The following C2orf76 variants were observed in gnomAD, a reference collection of about 807,000 sequenced individuals.
The protein encoded by C2orf76 is chromosome 2 open reading frame 76.
C2orf76 carries 23 observed loss-of-function variants against 16.9 expected under a neutral mutation model. The observed-to-expected ratio is 1.36, with a 90% confidence interval of 0.98 to 1.93. The LOEUF (loss-of-function observed/expected upper bound fraction) is 1.93. Among genes scored for constraint, C2orf76 ranks in the 30% most tolerant of loss-of-function variants. The probability of loss-of-function intolerance (pLI) is 0.00; values close to 1 mark genes in which losing one functional copy is unlikely to be tolerated. For synonymous variants in C2orf76, 48 were observed against 52.3 expected, an observed-to-expected ratio of 0.92 and a Z score of 0.35; for missense variants, 152 against 152.6, an observed-to-expected ratio of 1.00 and a Z score of 0.02.
chr2:119,332,537 T>C (rs1679707482), intron 2 of C2orf76, among the ~76,000 whole-genome samples: 1 of 149,242 alleles, frequency 6.7e-6, no homozygotes, highest in East Asian at 1.9e-4. Flanking sequence ...CATGTAGTCA[T>C]ATTACTATAG....
At chr2:119,346,294 C>T (rs967539704) in intron 1 of C2orf76, among the ~76,000 whole-genome samples, 7 of 152,018 alleles carry the variant, frequency 4.6e-5, no homozygotes, top group African/African-American at 1.7e-4. Context: ...GGCATTCATG[C>T]TAGAGAAACA....
rs545039889 is a variant in C2orf76, at chr2:119,351,430, C to T, written c.-12-11459G>A. Among the ~76,000 whole-genome samples, 8 of 152,228 alleles carry T rather than the reference C, an allele frequency of 5.3e-5. No individual in the cohort carries two copies. The East Asian group carries it at 1.5e-3, about 29-fold the overall frequency. On this transcript the variant is annotated intron_variant, in intron 1 of 5. Coordinates refer to ENST00000334816, the MANE Select transcript of C2orf76 (RefSeq NM_001322331.2). ...CAATAAATAGTCCACAAACTGGTCA[C>T]TTGTTTACAATATAAGAGCTGAAAC...
chr2:119,336,153 G>A (rs1225011772), intron 2 of C2orf76, among the ~76,000 whole-genome samples: 1 of 151,974 alleles, frequency 6.6e-6, no homozygotes, highest in Non-Finnish European at 1.5e-5. Context: ...CCAGCACTTT[G>A]GGAGGCTGAG....
intron 1 of C2orf76, among the ~76,000 whole-genome samples, chr2:119,358,971 T>A (rs1680658123): frequency 6.6e-6 from 1 of 152,170 alleles, no homozygotes; most frequent in Non-Finnish European, 1.5e-5. Context: ...CCATCTAGGA[T>A]CTGCATAGCT....
chr2:119,334,829 AG>A (rs1679795844), intron 2 of C2orf76, among the ~76,000 whole-genome samples: 1 of 152,264 alleles, frequency 6.6e-6, no homozygotes, highest in South Asian at 2.1e-4. Flanking sequence ...TAGAAGAAAA[AG>A]TGCTGACCTA....
At chr2:119,339,575 T>TCAAA (rs548302406) in intron 2 of C2orf76, among the ~76,000 whole-genome samples, 1 of 141,676 alleles carries the variant, frequency 7.1e-6, no homozygotes, top group Non-Finnish European at 1.5e-5. Context: ...TACTTTTAAT[T>TCAAA]AAAAAAAAAA....
At position 119,302,479 on chromosome 2, in the gene C2orf76, G is replaced by T; in HGVS notation, c.374C>A (p.Ser125Tyr). 1 of 1,371,030 alleles carries T rather than the reference G, an allele frequency of 7.3e-7. No individual in the cohort carries two copies. The highest frequency in any genetic ancestry group is 1.0e-6 in the Non-Finnish European group (1 of 985,710). 84.9% of individuals were successfully genotyped at this position (1,371,030 alleles called of 1,614,324 possible). The change falls in exon 6 of 6, where the codon TCC becomes TAC. Residue 125 changes from serine to tyrosine, a missense_variant. Ser to Tyr is a moderately radical substitution (Grantham distance 144, BLOSUM62 -2). Transcript: ENST00000334816. ...YKNYKANPIS[S>Y]W is the part of the protein sequence containing the mutation. Reference sequence around the variant, plus strand: ...GAAGCCCTCGAGATGTTTTCACCAGGATGAAATGGGATTAGCTTTGTAGTT... The same window carrying T: ...GAAGCCCTCGAGATGTTTTCACCAGTATGAAATGGGATTAGCTTTGTAGTT...
chr2:119,319,647 A>T (rs2104563409), intron 3 of C2orf76, among the ~76,000 whole-genome samples: 1 of 152,288 alleles, frequency 6.6e-6, no homozygotes, highest in East Asian at 1.9e-4. Flanking sequence ...GATAAGTAGC[A>T]TGCGTGGTAA....
chr2:119,329,124 T>C (rs1679596204), intron 2 of C2orf76, among the ~76,000 whole-genome samples: 1 of 152,226 alleles, frequency 6.6e-6, no homozygotes, highest in Non-Finnish European at 1.5e-5. Flanking sequence ...GTTTTTAAGT[T>C]CTCTTGATCC....
At chr2:119,301,583 G>A (rs1424680780), downstream of C2orf76, among the ~76,000 whole-genome samples, 2 of 151,596 alleles carry the variant, frequency 1.3e-5, no homozygotes, top group Admixed American at 6.6e-5. Context: ...CCAGGACTCA[G>A]GGAGCAATGG....
intron 3 of C2orf76, among the ~76,000 whole-genome samples, chr2:119,318,111 ATT>A (rs1428261531): frequency 1.3e-5 from 2 of 152,078 alleles, no homozygotes; most frequent in Admixed American, 1.3e-4. Flanking sequence ...TCACTCCTTA[ATT>A]TGTTTATCTT....
At chr2:119,358,188 T>A (rs558031089) in intron 1 of C2orf76, among the ~76,000 whole-genome samples, 56 of 152,274 alleles carry the variant, frequency 3.7e-4, no homozygotes, top group African/African-American at 1.3e-3. Context: ...AAAGCCAAGA[T>A]AGGTTGAATG....
At chr2:119,295,330 T>C in the C2orf76 span, among the ~76,000 whole-genome samples, 126 of 152,246 alleles carry the variant, frequency 8.3e-4, 1 homozygote, top group African/African-American at 2.9e-3. Flanking sequence ...CAATAATGTA[T>C]AGTCCGATGG....
the C2orf76 span, among the ~76,000 whole-genome samples, chr2:119,282,490 T>C: frequency 1.3e-5 from 2 of 152,194 alleles, no homozygotes; most frequent in Non-Finnish European, 2.9e-5. Context: ...GGCTCTTAAT[T>C]TTCATGCATT....
the C2orf76 span, among the ~76,000 whole-genome samples, chr2:119,281,188 T>C: frequency 6.6e-6 from 1 of 152,192 alleles, no homozygotes; most frequent in Non-Finnish European, 1.5e-5. Flanking sequence ...ACTCATCTCA[T>C]GGGGGTTTGT....
the C2orf76 span, among the ~76,000 whole-genome samples, chr2:119,286,887 G>A: frequency 6.6e-6 from 1 of 152,142 alleles, no homozygotes; most frequent in East Asian, 1.9e-4. Context: ...GACTTCTGTT[G>A]AGGAGGTATC....
chr2:119,339,836 G>T lies in C2orf76; in HGVS notation c.124C>A (p.Leu42Ile). The change falls in exon 2 of 6, where the codon CTA becomes ATA. Residue 42 changes from leucine (L) to isoleucine (I), a missense_variant. Transcript: ENST00000334816. ...DQTVKEFIVFLKQDIPLRTNL... is the reference protein window; with the variant it reads ...DQTVKEFIVFIKQDIPLRTNL... ...CTTTCACATCTCATACCTTGCTTTA[G>T]AAATACGATAAATTCCTTTACAGTT... is the stretch of plus-strand genomic sequence containing the variant. 6.3e-7 allele frequency: 1 copy of T among 1,597,618 alleles called. No homozygotes were observed. The highest frequency in any genetic ancestry group is 8.6e-7 in the Non-Finnish European group (1 of 1,166,542).
the C2orf76 span, among the ~76,000 whole-genome samples, chr2:119,283,456 C>G: frequency 6.6e-6 from 1 of 152,032 alleles, no homozygotes; most frequent in East Asian, 1.9e-4. Flanking sequence ...TACAATGGTT[C>G]TTTTGGTTTT....
chr2:119,311,562 C>T, intron 5 of C2orf76, 60 bp downstream of exon 5: 1 of 1,577,948 alleles, frequency 6.3e-7, no homozygotes, highest in Non-Finnish European at 8.6e-7. Flanking sequence ...TACCATCAGC[C>T]AGGCCTCAGG....
Sources: gnomAD v4.1 joint callset for allele counts (sites outside exome capture counted in the v4.1 genomes callset) on GRCh38, gnomAD v4.1.1 for gene constraint, MANE v1.5 for transcripts, NCBI Gene and HGNC (gene_info 2026-07-23, HGNC 2026-07-21) for gene names.